PSMG2: variants seen among roughly 807,000 people sequenced by gnomAD.
The protein encoded by PSMG2 is proteasome assembly chaperone 2.
Under a neutral mutation model 31.5 loss-of-function variants are expected in PSMG2, and 21 were observed. The observed-to-expected ratio is 0.67, with a 90% CI of 0.47 to 0.96. The LOEUF (loss-of-function observed/expected upper bound fraction) is 0.96, where lower values mean the gene tolerates loss of function less well. Among genes scored for constraint, PSMG2 ranks in the 40% least tolerant of loss-of-function variants. PSMG2 has a pLI of 0.00. For synonymous variants in PSMG2, 120 were observed against 110.4 expected, an observed-to-expected ratio of 1.09 and a Z score of -0.54; for missense variants, 318 against 321.2, an observed-to-expected ratio of 0.99 and a Z score of 0.08.
upstream of PSMG2, chr18:12,699,305 C>G (rs751137208): frequency 4.8e-5 from 37 of 771,140 alleles, no homozygotes; most frequent in Admixed American, 8.4e-5. Flanking sequence ...AACCCAATAC[C>G]AAAGACTAAA....
intron 3 of PSMG2, among the ~76,000 whole-genome samples, chr18:12,717,085 G>A (rs2040384235): frequency 6.6e-6 from 1 of 151,358 alleles, no homozygotes; most frequent in African/African-American, 2.4e-5. Flanking sequence ...GAGTACCTGG[G>A]GCTACAGACG....
At chr18:12,701,336 T>C (rs555869880), upstream of PSMG2, among the ~76,000 whole-genome samples, 80 of 152,132 alleles carry the variant, frequency 5.3e-4, no homozygotes, top group African/African-American at 1.9e-3. Context: ...CAAACAACAC[T>C]CAACCAAAAG....
intron 1 of PSMG2, among the ~76,000 whole-genome samples, chr18:12,666,896 T>A (rs186781899): frequency 5.5e-4 from 84 of 152,308 alleles, no homozygotes; most frequent in African/African-American, 1.8e-3. Context: ...ATCAGTTTTA[T>A]TAATATATTG....
chr18:12,663,902 T>A (rs1452550556), intron 1 of PSMG2, among the ~76,000 whole-genome samples: 2 of 152,216 alleles, frequency 1.3e-5, no homozygotes. Context: ...CAGTGGTTTA[T>A]GCCTGTAATC....
chr18:12,709,140 G>A (rs976224690), intron 2 of PSMG2, among the ~76,000 whole-genome samples: 5 of 151,918 alleles, frequency 3.3e-5, no homozygotes, highest in Non-Finnish European at 7.4e-5. Flanking sequence ...CTGCCTCCCG[G>A]GTTCAAGCGA....
At chr18:12,696,004 A>C (rs1343742935) in intron 1 of PSMG2, among the ~76,000 whole-genome samples, 1 of 152,186 alleles carries the variant, frequency 6.6e-6, no homozygotes, top group African/African-American at 2.4e-5. Context: ...AGAACTAGAA[A>C]ACAAATATAC....
chr18:12,665,926 A>G (rs1306914631), intron 1 of PSMG2, among the ~76,000 whole-genome samples: 4 of 152,056 alleles, frequency 2.6e-5, no homozygotes, highest in African/African-American at 9.7e-5. Context: ...TGAACGCCTG[A>G]CCCCGTGATC....
At chr18:12,689,280 A>AAAC (rs140617563) in intron 1 of PSMG2, among the ~76,000 whole-genome samples, 1 of 151,792 alleles carries the variant, frequency 6.6e-6, no homozygotes, top group African/African-American at 2.4e-5. Flanking sequence ...CAAATACAGG[A>AAAC]AGCAGCAAGA....
Position 12,724,573 on chromosome 18 carries a change from G to A in PSMG2, c.656G>A (p.Gly219Asp). Reference protein sequence around the residue: ...SEGDNIPDALGLVEYLNEWLQ... With the variant: ...SEGDNIPDALDLVEYLNEWLQ... ...GGGGACAACATCCCAGATGCATTAG[G>A]TCTTGTTGAGTATCTTAATGAGTGG... Residue 219 changes from glycine to aspartate, a missense_variant, in exon 6 of 7, where the codon GGT (glycine) becomes GAT (aspartate). By Grantham distance (94) the Gly-to-Asp change is moderately conservative (BLOSUM62 -1). Transcript: ENST00000317615. The A allele has an allele frequency of 6.2e-7, 1 of 1,611,094 alleles. No individual in the cohort carries two copies. Among genetic ancestry groups the A allele is most frequent in the Non-Finnish European group, 8.5e-7 (1 of 1,178,812 alleles).
chr18:12,673,523 T>A (rs1173362967), intron 1 of PSMG2: 20 of 1,519,166 alleles, frequency 1.3e-5, no homozygotes, highest in Admixed American at 2.3e-5. Flanking sequence ...AAAAAAAAAA[T>A]TATTCAATTA....
intron 1 of PSMG2, chr18:12,661,971 ATT>A (rs900829626): frequency 3.9e-6 from 1 of 255,766 alleles, no homozygotes; most frequent in African/African-American, 2.3e-5. Context: ...TGTTTTGTTG[ATT>A]TTGTTACTTT....
chr18:12,673,432 A>G, intron 1 of PSMG2: 1 of 1,602,932 alleles, frequency 6.2e-7, no homozygotes, highest in Non-Finnish European at 8.5e-7. Context: ...AGGGTAAGTA[A>G]ATACTCGGAC....
At chr18:12,711,831 G>A (rs1037553631) in intron 2 of PSMG2, among the ~76,000 whole-genome samples, 7 of 139,952 alleles carry the variant, frequency 5.0e-5, no homozygotes, top group African/African-American at 1.9e-4. Flanking sequence ...TCTGCTCACT[G>A]CAAGCTCCGC....
chr18:12,684,443 GAC>G (rs1240384836), intron 1 of PSMG2: 1 of 150,814 alleles, frequency 6.6e-6, no homozygotes, highest in Non-Finnish European at 1.5e-5. Context: ...TTTTTTTTGA[GAC>G]AGAGTCTCGC....
At chr18:12,725,247 A>G (rs1057140575) in intron 6 of PSMG2, among the ~76,000 whole-genome samples, 192 bp from the exon 7 acceptor site, 3 of 152,034 alleles carry the variant, frequency 2.0e-5, no homozygotes, top group African/African-American at 4.8e-5. Flanking sequence ...GCATATCTTT[A>G]TAATTTGGAA....
At chr18:12,705,064 A>T (rs1216706168) in intron 1 of PSMG2, among the ~76,000 whole-genome samples, 1 of 151,844 alleles carries the variant, frequency 6.6e-6, no homozygotes, top group African/African-American at 2.4e-5. Flanking sequence ...AATAATATTG[A>T]ACTTTTTTTT....
intron 1 of PSMG2, among the ~76,000 whole-genome samples, chr18:12,662,477 C>G (rs1598600783): frequency 6.6e-6 from 1 of 152,124 alleles, no homozygotes; most frequent in Non-Finnish European, 1.5e-5. Flanking sequence ...TCACAGAGAG[C>G]GAGAATAAAG....
chr18:12,678,411 G>A (rs759114067), intron 1 of PSMG2: 12 of 1,613,380 alleles, frequency 7.4e-6, no homozygotes, highest in African/African-American at 1.3e-5. Context: ...GCAACTGGAG[G>A]TTCATCAGGA....
intron 3 of PSMG2, among the ~76,000 whole-genome samples, chr18:12,715,199 G>T (rs550214391): frequency 2.5e-4 from 38 of 151,698 alleles, no homozygotes; most frequent in Non-Finnish European, 3.2e-4. Context: ...AGTAGAGATG[G>T]GGTTTCACCA....
Sources: allele counts gnomAD v4.1 joint callset (sites outside exome capture counted in the v4.1 genomes callset), GRCh38; gene constraint gnomAD v4.1.1; transcripts MANE v1.5; gene names NCBI Gene and HGNC (gene_info 2026-07-23, HGNC 2026-07-21).